Variants in XXYLT1 observed in about 807,000 individuals in gnomAD.
XXYLT1 encodes xyloside xylosyltransferase 1.
XXYLT1 carries 20 observed loss-of-function variants against 28.9 expected under a neutral mutation model. The observed-to-expected ratio is 0.69, with a 90% CI of 0.49 to 1.00. XXYLT1 has a LOEUF of 1.00. Among genes scored for constraint, XXYLT1 ranks in the 50% least tolerant of loss-of-function variants. XXYLT1 has a pLI of 0.00. For missense variants in XXYLT1, 542 were observed against 560.1 expected (o/e 0.97, Z 0.33); for synonymous variants, 257 against 253.8 (o/e 1.01, Z -0.12).
intron 3 of XXYLT1, among the ~76,000 whole-genome samples, chr3:195,148,677 T>A (rs1429680316): frequency 6.6e-6 from 1 of 152,160 alleles, no homozygotes; most frequent in East Asian, 1.9e-4. Flanking sequence ...CATCCTGACA[T>A]GAGGCAATCT....
At chr3:195,211,722 T>C (rs1415680977) in intron 2 of XXYLT1, among the ~76,000 whole-genome samples, 2 of 152,204 alleles carry the variant, frequency 1.3e-5, no homozygotes, top group African/African-American at 2.4e-5. Flanking sequence ...GCCAGGGCCC[T>C]TCATCACAGA....
intron 2 of XXYLT1, among the ~76,000 whole-genome samples, chr3:195,198,129 A>G (rs906682707): frequency 3.9e-5 from 6 of 152,346 alleles, no homozygotes; most frequent in African/African-American, 9.6e-5. Context: ...GGTTTACTCA[A>G]TTCTGTCTGG....
chr3:195,105,182 T>G (rs1717017137), intron 3 of XXYLT1, among the ~76,000 whole-genome samples: 1 of 152,192 alleles, frequency 6.6e-6, no homozygotes, highest in Non-Finnish European at 1.5e-5. Context: ...GCTGACCCCA[T>G]GGATAGGAAA....
intron 3 of XXYLT1, among the ~76,000 whole-genome samples, chr3:195,084,349 C>T (rs1376614168): frequency 2.6e-5 from 4 of 152,040 alleles, no homozygotes; most frequent in South Asian, 4.2e-4. Flanking sequence ...GCAGGAGGCC[C>T]GATTCAAGTC....
chr3:195,131,574 G>A (rs764050686), intron 3 of XXYLT1, among the ~76,000 whole-genome samples: 7 of 152,138 alleles, frequency 4.6e-5, no homozygotes, highest in East Asian at 1.9e-4. Flanking sequence ...CACTTTTCCC[G>A]CTCTCTTTCC....
intron 3 of XXYLT1, among the ~76,000 whole-genome samples, chr3:195,146,337 A>T (rs1366623954): frequency 6.6e-6 from 1 of 152,228 alleles, no homozygotes; most frequent in East Asian, 1.9e-4. Flanking sequence ...CCTGGATTAC[A>T]AATAAGGTTC....
intron 3 of XXYLT1, chr3:195,122,215 G>A (rs1269377943): frequency 1.4e-6 from 1 of 702,268 alleles, no homozygotes; most frequent in Non-Finnish European, 2.6e-6. Context: ...ACTCTCCAAA[G>A]GCCCCACCTC....
intron 3 of XXYLT1, among the ~76,000 whole-genome samples, chr3:195,106,909 A>C (rs1717126436): frequency 6.6e-6 from 1 of 151,920 alleles, no homozygotes; most frequent in South Asian, 2.1e-4. Context: ...CGGGGGGAGG[A>C]GAGTAGACAC....
chr3:195,088,153 C>A lies in XXYLT1; in HGVS notation c.786-18042G>T, dbSNP rs1009383690. On this transcript the variant is annotated intron_variant, in intron 3 of 3. Transcript: ENST00000310380. ...AGGCTTGATTAGGTAAACAAAGCAGCCGGGAAGCTCGAACTGGGTGGAGCC... is the reference window on the plus strand; with the variant it reads ...AGGCTTGATTAGGTAAACAAAGCAGACGGGAAGCTCGAACTGGGTGGAGCC... Among the ~76,000 whole-genome samples, 29 of 145,804 alleles carry A rather than the reference C, an allele frequency of 2.0e-4. No homozygotes were observed. The Admixed American group carries it at 2.1e-3, about 11-fold the overall frequency.
In XXYLT1 at chr3:195,077,142, C is replaced by T. The variant is rs942069699; in HGVS notation, c.786-7031G>A. Among the ~76,000 whole-genome samples, 8 of 152,124 alleles carry T rather than the reference C, an allele frequency of 5.3e-5. No homozygotes were observed. The highest frequency in any genetic ancestry group is 1.9e-4 in the African/African-American group (8 of 41,420). Reference sequence around the variant, plus strand: ...CCCTGCTGCTCTCAGTGGGTGGAGACAGAATGACCCACAGTGGGCGGGGCA... The same window carrying T: ...CCCTGCTGCTCTCAGTGGGTGGAGATAGAATGACCCACAGTGGGCGGGGCA... On this transcript the variant is annotated intron_variant, in intron 3 of 3. Coordinates refer to ENST00000310380, the MANE Select transcript of XXYLT1 (RefSeq NM_152531.5). This position sits in a 1 kb window ranked among gnomAD's most constrained non-coding sequence, Gnocchi z 4.8.
chr3:195,092,171 A>T (rs1716153562), intron 3 of XXYLT1, among the ~76,000 whole-genome samples: 1 of 139,886 alleles, frequency 7.1e-6, no homozygotes, highest in Admixed American at 7.2e-5. Flanking sequence ...AGAATTGGAA[A>T]AAACTACTTT....
In XXYLT1 at chr3:195,076,880, A is replaced by C. The variant is rs73890659; in HGVS notation, c.786-6769T>G. On this transcript the variant is annotated intron_variant, in intron 3 of 3. Coordinates refer to ENST00000310380, the MANE Select transcript of XXYLT1 (RefSeq NM_152531.5). This position sits in a 1 kb window ranked among gnomAD's most constrained non-coding sequence, Gnocchi z 5.3. The stretch of plus-strand genomic sequence containing the variant: ...ATCCGGGCCTGCCCTACCCCAGCAG[A>C]ACCTCATCTCAACTCTTTATATCTG... Among the ~76,000 whole-genome samples the C allele has an allele frequency of 0.025, 3,833 of 152,236 alleles. 144 individuals carry two copies. The highest frequency in any genetic ancestry group is 0.088 in the African/African-American group (3,643 of 41,518).
At chr3:195,260,443 A>AC (rs909166368) in intron 1 of XXYLT1, among the ~76,000 whole-genome samples, 4 of 151,234 alleles carry the variant, frequency 2.6e-5, no homozygotes, top group Admixed American at 6.6e-5. Flanking sequence ...CGCAACACTG[A>AC]CCCCCCTGGG....
At chr3:195,122,476 G>C (rs374607610) in intron 3 of XXYLT1, among the ~76,000 whole-genome samples, 1 of 142,692 alleles carries the variant, frequency 7.0e-6, no homozygotes, top group Admixed American at 7.1e-5. Flanking sequence ...TGTAGTAGTA[G>C]TACTCAGTAC....
chr3:195,121,462 G>A (rs1357685703), intron 3 of XXYLT1, among the ~76,000 whole-genome samples: 1 of 152,114 alleles, frequency 6.6e-6, no homozygotes, highest in Admixed American at 6.5e-5. Context: ...CCAAGACAGG[G>A]TTCCTCTAGA....
At chr3:195,120,856 CA>C (rs1194126849) in intron 3 of XXYLT1, among the ~76,000 whole-genome samples, 10 of 152,194 alleles carry the variant, frequency 6.6e-5, no homozygotes, top group Non-Finnish European at 1.2e-4. Flanking sequence ...ACAGCTCCTG[CA>C]TGTCAGGCCA....
At chr3:195,096,024 G>A (rs930906416) in intron 3 of XXYLT1, 1 of 152,142 alleles carries the variant, frequency 6.6e-6, no homozygotes, top group Non-Finnish European at 1.5e-5. Context: ...CAGTGTCCAC[G>A]CTATGGTCTA....
chr3:195,070,323 G>A (rs984224486), intron 3 of XXYLT1, among the ~76,000 whole-genome samples: 7 of 151,968 alleles, frequency 4.6e-5, no homozygotes, highest in East Asian at 1.9e-4. Context: ...CCTCTGCTAC[G>A]TCCTCACCAC....
In XXYLT1 at chr3:195,069,672, TC is replaced by T; in HGVS notation, c.*42del. The T allele has an allele frequency of 6.4e-7, 1 of 1,570,088 alleles. No individual in the cohort carries two copies. Among genetic ancestry groups the T allele is most frequent in the Non-Finnish European group, 8.6e-7 (1 of 1,162,086 alleles). On this transcript the variant is annotated 3_prime_UTR_variant, in exon 4 of 4. Coordinates refer to ENST00000310380, the MANE Select transcript of XXYLT1 (RefSeq NM_152531.5). ...GGTCTGTCCCAAGGAACCCTGTCCTTCCCCCAGATCTGGAGGCCCCGGGGGC... is the reference window on the plus strand; with the variant it reads ...GGTCTGTCCCAAGGAACCCTGTCCTTCCCCAGATCTGGAGGCCCCGGGGGC...
Sources: allele counts gnomAD v4.1 joint callset (sites outside exome capture counted in the v4.1 genomes callset), GRCh38; gene constraint gnomAD v4.1.1; non-coding constraint Gnocchi (gnomAD v3.1); transcripts MANE v1.5; gene names NCBI Gene and HGNC (gene_info 2026-07-23, HGNC 2026-07-21).